DACH1: variants seen among roughly 807,000 people sequenced by gnomAD.
The protein encoded by DACH1 is dachshund family transcription factor 1, also known as dachshund homolog 1.
In DACH1, 12 loss-of-function variants were observed where a neutral mutation model predicts 54.2. The observed-to-expected ratio is 0.22, with a 90% CI of 0.14 to 0.36. DACH1 has a LOEUF of 0.36. Ranked by LOEUF, DACH1 falls within the 10% of genes least tolerant of loss-of-function variation. The pLI is 1.00. For synonymous variants in DACH1, 386 were observed against 366.2 expected (o/e 1.05, Z -0.62); for missense variants, 805 against 929.8 (o/e 0.87, Z 1.75).
chr13:71,541,975 C>T (rs944961290), intron 6 of DACH1, among the ~76,000 whole-genome samples: 9 of 136,634 alleles, frequency 6.6e-5, no homozygotes, highest in Non-Finnish European at 1.2e-4. Flanking sequence ...AGGCCGGGTA[C>T]GATGGCTCAC....
In DACH1 at chr13:71,440,155, C is replaced by CA. The variant is rs1314036720; in HGVS notation, c.*499dup. The CA allele has an allele frequency of 6.6e-6, 1 of 150,664 alleles. No individual in the cohort carries two copies. The highest frequency in any genetic ancestry group is 6.6e-5 in the Admixed American group (1 of 15,112). 9.3% of individuals were successfully genotyped at this position (150,664 alleles called of 1,614,324 possible). The stretch of plus-strand genomic sequence containing the variant: ...TGAATGTAACAGAAAATCACTCTTG[C>CA]ATTTTTTTTTTTCAAGAATCCTCTA... On this transcript the variant is annotated 3_prime_UTR_variant, in exon 11 of 11. Coordinates refer to ENST00000613252, the MANE Select transcript of DACH1 (RefSeq NM_080759.6).
In DACH1 at chr13:71,646,461, G is replaced by A. The variant is rs376217741; in HGVS notation, c.965-15744C>T. Among the ~76,000 whole-genome samples, 41 of 152,158 alleles carry A rather than the reference G, an allele frequency of 2.7e-4. No individual in the cohort carries two copies. In the South Asian group the frequency reaches 8.3e-3, roughly 31 times the overall value. On this transcript the variant is annotated intron_variant, in intron 2 of 10. Coordinates refer to ENST00000613252, the MANE Select transcript of DACH1 (RefSeq NM_080759.6). ...TTACTAATAAGGAAAAAGTAGTGTT[G>A]ATAATTGCAGAGTCTAATACATGTC...
At chr13:71,646,875 A>C (rs1220082044) in intron 2 of DACH1, among the ~76,000 whole-genome samples, 1 of 152,206 alleles carries the variant, frequency 6.6e-6, no homozygotes, top group Non-Finnish European at 1.5e-5. Context: ...ATATCCATTT[A>C]ATTGTGGATT....
intron 6 of DACH1, among the ~76,000 whole-genome samples, chr13:71,503,391 C>A (rs896793607): frequency 1.4e-4 from 21 of 152,162 alleles, no homozygotes; most frequent in Admixed American, 1.4e-3. Context: ...ATTTATTAAA[C>A]CTTTTATTCT....
chr13:71,722,474 G>A (rs1015179394), intron 1 of DACH1, among the ~76,000 whole-genome samples: 5 of 152,148 alleles, frequency 3.3e-5, no homozygotes, highest in Non-Finnish European at 7.3e-5. Flanking sequence ...TTACTTAATA[G>A]CTTTCTGGAC....
intron 4 of DACH1, among the ~76,000 whole-genome samples, chr13:71,572,600 A>C (rs954128345): frequency 6.6e-6 from 1 of 152,132 alleles, no homozygotes; most frequent in African/African-American, 2.4e-5. Flanking sequence ...TTTGAACTAT[A>C]ACATTTAATG....
In DACH1 at chr13:71,439,637, C is replaced by T. The variant is rs1310798890; in HGVS notation, c.*1018G>A. 1 of 152,448 alleles carries T rather than the reference C, an allele frequency of 6.6e-6. No homozygotes were observed. The highest frequency in any genetic ancestry group is 2.1e-4 in the South Asian group (1 of 4,830). 9.4% of individuals were successfully genotyped at this position (152,448 alleles called of 1,614,324 possible). A position where few individuals can be genotyped will look rare whatever the true frequency, so the allele number is the denominator to read the frequency against. ...AATATACAAATAAAAGTGGCTGACACAGAGTTCTGATGTCACCAGATGCTT... is the reference window on the plus strand; with the variant it reads ...AATATACAAATAAAAGTGGCTGACATAGAGTTCTGATGTCACCAGATGCTT... On this transcript the variant is annotated 3_prime_UTR_variant, in exon 11 of 11. Coordinates refer to ENST00000613252, the MANE Select transcript of DACH1 (RefSeq NM_080759.6).
chr13:71,599,677 C>A (rs1220957080), intron 3 of DACH1, among the ~76,000 whole-genome samples: 2 of 152,066 alleles, frequency 1.3e-5, no homozygotes, highest in Admixed American at 6.6e-5. Context: ...TGTATTTACA[C>A]TATTTTGAAT....
At chr13:71,446,531 G>A (rs760140530) in intron 10 of DACH1, among the ~76,000 whole-genome samples, 3 of 152,192 alleles carry the variant, frequency 2.0e-5, no homozygotes, top group Non-Finnish European at 2.9e-5. Flanking sequence ...GGCATAGAGA[G>A]TTTAAGTATC....
intron 1 of DACH1, among the ~76,000 whole-genome samples, chr13:71,833,030 C>T (rs185454815): frequency 6.6e-6 from 1 of 151,932 alleles, no homozygotes; most frequent in East Asian, 1.9e-4. Context: ...AAGACGCTAA[C>T]AGGGAAGTTG....
chr13:71,630,853 C>G, intron 2 of DACH1, 136 bp from the exon 3 acceptor site: 1 of 1,019,116 alleles, frequency 9.8e-7, no homozygotes, highest in Admixed American at 3.6e-5. Flanking sequence ...ATAACTTATA[C>G]TCATTCCCAA....
At chr13:71,805,045 G>T (rs1319698391) in intron 1 of DACH1, among the ~76,000 whole-genome samples, 1 of 152,100 alleles carries the variant, frequency 6.6e-6, no homozygotes, top group Non-Finnish European at 1.5e-5. Context: ...TTAAAATTTA[G>T]CTCTTCAATT....
intron 1 of DACH1, among the ~76,000 whole-genome samples, chr13:71,698,707 C>A (rs1489735320): frequency 6.6e-6 from 1 of 151,988 alleles, no homozygotes; most frequent in Non-Finnish European, 1.5e-5. Context: ...TTATGTGTTA[C>A]AACAGGTTAG....
intron 2 of DACH1, among the ~76,000 whole-genome samples, chr13:71,655,496 G>A (rs945260745): frequency 1.3e-4 from 19 of 150,924 alleles, no homozygotes; most frequent in African/African-American, 3.9e-4. Context: ...TCAGCCTCCC[G>A]AGTAGCTGGG....
intron 6 of DACH1, among the ~76,000 whole-genome samples, chr13:71,551,545 C>T (rs919999203): frequency 1.4e-4 from 21 of 152,092 alleles, no homozygotes; most frequent in Non-Finnish European, 2.5e-4. Context: ...AGAACATGTA[C>T]TTATTGTCTT....
At chr13:71,496,686 C>A (rs1879471377) in intron 6 of DACH1, among the ~76,000 whole-genome samples, 1 of 152,026 alleles carries the variant, frequency 6.6e-6, no homozygotes, top group South Asian at 2.1e-4. Context: ...AATAAAATTA[C>A]ACTTGTACCA....
intron 2 of DACH1, among the ~76,000 whole-genome samples, chr13:71,672,451 CT>C (rs1413893054): frequency 3.3e-5 from 5 of 151,984 alleles, no homozygotes; most frequent in South Asian, 4.1e-4. Flanking sequence ...GAGTAAAGTT[CT>C]GAAACTTATC....
At chr13:71,760,941 T>G (rs2138007226) in intron 1 of DACH1, among the ~76,000 whole-genome samples, 1 of 152,286 alleles carries the variant, frequency 6.6e-6, no homozygotes, top group Non-Finnish European at 1.5e-5. Context: ...ATTTACAGAA[T>G]ATAAAGTGAT....
chr13:71,590,846 T>TTTC (rs1359361795), intron 3 of DACH1, among the ~76,000 whole-genome samples: 11 of 151,762 alleles, frequency 7.2e-5, no homozygotes, highest in African/African-American at 2.7e-4. Context: ...TTCTTTTCTT[T>TTTC]TTCTCTCTCT....
Sources: gnomAD v4.1 joint callset for allele counts (sites outside exome capture counted in the v4.1 genomes callset) on GRCh38, gnomAD v4.1.1 for gene constraint, MANE v1.5 for transcripts, NCBI Gene and HGNC (gene_info 2026-07-23, HGNC 2026-07-21) for gene names.